ADAMTSL1: variants seen among roughly 807,000 people sequenced by gnomAD.
The protein encoded by ADAMTSL1 is ADAMTS like 1.
A neutral mutation model predicts 201.8 loss-of-function variants in ADAMTSL1; 126 were observed. The ratio of observed to expected loss-of-function variants is 0.62; its 90% CI spans 0.54 to 0.72. ADAMTSL1 has a LOEUF of 0.72. ADAMTSL1 is among the 30% of genes least tolerant of loss of function. The pLI, the probability that ADAMTSL1 is intolerant of heterozygous loss-of-function variation, is 0.00. For missense variants in ADAMTSL1, 2,679 were observed against 2,277.8 expected (o/e 1.18, Z -3.59); for synonymous variants, 1,121 against 903.4 (o/e 1.24, Z -4.32).
At chr9:18,078,829 C>CA (rs898982652) in intron 1 of ADAMTSL1, among the ~76,000 whole-genome samples, 8 of 151,994 alleles carry the variant, frequency 5.3e-5, no homozygotes, top group African/African-American at 9.7e-5. Context: ...CCTGGACCCT[C>CA]AAAAAAAGGC....
chr9:18,096,666 CA>C (rs1289617666), intron 1 of ADAMTSL1, among the ~76,000 whole-genome samples: 1 of 152,194 alleles, frequency 6.6e-6, no homozygotes, highest in African/African-American at 2.4e-5. Flanking sequence ...ATTTAAAATA[CA>C]GACATTAAGA....
At chr9:18,286,779 T>C (rs186935975) in intron 2 of ADAMTSL1, among the ~76,000 whole-genome samples, 5 of 152,254 alleles carry the variant, frequency 3.3e-5, no homozygotes, top group Non-Finnish European at 7.4e-5. Context: ...CTAGAAAGAT[T>C]CCCACCTAAC....
At chr9:18,390,027 A>G (rs1288464542) in intron 2 of ADAMTSL1, among the ~76,000 whole-genome samples, 1 of 152,146 alleles carries the variant, frequency 6.6e-6, no homozygotes, top group African/African-American at 2.4e-5. Context: ...TAAATCCTAA[A>G]TGAGTATTTG....
At chr9:18,598,773 G>C (rs1179548244) in intron 4 of ADAMTSL1, among the ~76,000 whole-genome samples, 3 of 152,110 alleles carry the variant, frequency 2.0e-5, no homozygotes, top group African/African-American at 7.2e-5. Context: ...GACTAGTGCT[G>C]TGTGAGCATG....
intron 4 of ADAMTSL1, among the ~76,000 whole-genome samples, chr9:18,597,581 C>A (rs1824352181): frequency 6.6e-6 from 1 of 152,040 alleles, no homozygotes; most frequent in South Asian, 2.1e-4. Flanking sequence ...TTCAGGAAGC[C>A]TTTTTGAGAC....
intron 19 of ADAMTSL1, among the ~76,000 whole-genome samples, chr9:18,788,976 A>T (rs1821869529): frequency 6.6e-6 from 1 of 152,118 alleles, no homozygotes; most frequent in Admixed American, 6.6e-5. Flanking sequence ...TCAAGAATAG[A>T]ATTAAGGTAG....
chr9:18,602,070 G>T (rs1422223508), intron 4 of ADAMTSL1, among the ~76,000 whole-genome samples: 1 of 152,154 alleles, frequency 6.6e-6, no homozygotes, highest in Non-Finnish European at 1.5e-5. Flanking sequence ...TGCAGTACAG[G>T]CTTCTGCATA....
At chr9:18,160,158 G>A (rs955657411) in intron 1 of ADAMTSL1, among the ~76,000 whole-genome samples, 1 of 151,936 alleles carries the variant, frequency 6.6e-6, no homozygotes, top group Non-Finnish European at 1.5e-5. Context: ...GGTTCTCTAA[G>A]GAATGCTTTG....
chr9:18,261,286 C>A (rs1025745264), intron 2 of ADAMTSL1, among the ~76,000 whole-genome samples: 1 of 152,106 alleles, frequency 6.6e-6, no homozygotes, highest in African/African-American at 2.4e-5. Flanking sequence ...TTTTGCTTGA[C>A]ACATTTTAAG....
At chr9:18,087,244 A>G (rs181404465) in intron 1 of ADAMTSL1, among the ~76,000 whole-genome samples, 5 of 152,106 alleles carry the variant, frequency 3.3e-5, no homozygotes, top group Non-Finnish European at 7.4e-5. Flanking sequence ...GTTCATGTTT[A>G]CTTGCATCTC....
At chr9:18,089,014 C>A (rs758733400) in intron 1 of ADAMTSL1, among the ~76,000 whole-genome samples, 1 of 151,998 alleles carries the variant, frequency 6.6e-6, no homozygotes, top group South Asian at 2.1e-4. Flanking sequence ...AATGGGTACA[C>A]AAAATGTGGT....
At chr9:18,615,749 A>G (rs1825663538) in intron 4 of ADAMTSL1, among the ~76,000 whole-genome samples, 1 of 152,152 alleles carries the variant, frequency 6.6e-6, no homozygotes, top group Admixed American at 6.5e-5. Flanking sequence ...CTGGTTCTGA[A>G]ATGGTAAATG....
At chr9:18,080,902 T>C (rs545509964) in intron 1 of ADAMTSL1, among the ~76,000 whole-genome samples, 4 of 152,350 alleles carry the variant, frequency 2.6e-5, no homozygotes, top group African/African-American at 7.2e-5. Flanking sequence ...TTAATGTTAG[T>C]CCCAAAATTA....
At chr9:18,161,614 C>T (rs911998721) in intron 1 of ADAMTSL1, among the ~76,000 whole-genome samples, 1 of 152,026 alleles carries the variant, frequency 6.6e-6, no homozygotes, top group Non-Finnish European at 1.5e-5. Flanking sequence ...CACAGCCATT[C>T]CTTACCTAGA....
chr9:18,335,643 C>G (rs1204612215), intron 2 of ADAMTSL1, among the ~76,000 whole-genome samples: 1 of 152,142 alleles, frequency 6.6e-6, no homozygotes, highest in East Asian at 1.9e-4. Flanking sequence ...AACCTCATAG[C>G]TTTCCCACTT....
At chr9:18,398,134 T>A (rs927031479) in intron 2 of ADAMTSL1, among the ~76,000 whole-genome samples, 2 of 152,144 alleles carry the variant, frequency 1.3e-5, no homozygotes, top group African/African-American at 4.8e-5. Context: ...CAATAGACTA[T>A]CATCTTACTA....
intron 2 of ADAMTSL1, among the ~76,000 whole-genome samples, chr9:18,187,507 TGTG>T (rs1238497226): frequency 6.6e-6 from 1 of 152,104 alleles, no homozygotes; most frequent in Non-Finnish European, 1.5e-5. Context: ...ATGTGTATAA[TGTG>T]GTCCCTGTTT....
chr9:18,180,520 G>A (rs1197807234), intron 2 of ADAMTSL1, among the ~76,000 whole-genome samples: 4 of 117,484 alleles, frequency 3.4e-5, no homozygotes, highest in Admixed American at 1.1e-4. Flanking sequence ...GTGACAGAGC[G>A]AGACTCCGTG....
At chr9:18,651,718 C>A (rs187086674) in intron 7 of ADAMTSL1, among the ~76,000 whole-genome samples, 2 of 152,054 alleles carry the variant, frequency 1.3e-5, no homozygotes, top group African/African-American at 4.8e-5. Context: ...AGAAACTTTG[C>A]GATTTCTGCT....
Sources: gnomAD v4.1 joint callset for allele counts (sites outside exome capture counted in the v4.1 genomes callset) on GRCh38, gnomAD v4.1.1 for gene constraint, MANE v1.5 for transcripts, NCBI Gene and HGNC (gene_info 2026-07-23, HGNC 2026-07-21) for gene names.